Variants in ZNF558 observed in about 807,000 individuals in gnomAD.
ZNF558 encodes zinc finger protein 558.
Under a neutral mutation model 37.6 loss-of-function variants are expected in ZNF558, and 23 were observed. The observed-to-expected ratio is 0.61, with a 90% CI of 0.44 to 0.87. The LOEUF (loss-of-function observed/expected upper bound fraction) is 0.87. Ranked by LOEUF, ZNF558 falls within the 40% of genes least tolerant of loss-of-function variation. The pLI is 0.00. For missense variants in ZNF558, 429 were observed against 483.7 expected (o/e 0.89, Z 1.06); for synonymous variants, 189 against 174.4 (o/e 1.08, Z -0.66).
At chr19:8,833,092 T>A (rs1440285414), upstream of ZNF558, 1 of 152,576 alleles carries the variant, frequency 6.6e-6, no homozygotes, top group Non-Finnish European at 1.5e-5. Context: ...GGGGCAGGGA[T>A]CTGGGTATGA....
At chr19:8,828,427 G>T (rs561995630) in intron 2 of ZNF558, among the ~76,000 whole-genome samples, 69 of 152,012 alleles carry the variant, frequency 4.5e-4, no homozygotes, top group Non-Finnish European at 8.5e-4. Flanking sequence ...CTTCTTGAGG[G>T]GCTTGGAGAA....
Position 8,822,484 on chromosome 19 carries a change from T to C in ZNF558, c.31+145A>G, listed in dbSNP as rs2044118586. On this transcript the variant is annotated intron_variant, in intron 5 of 9. Transcript: ENST00000601372. This position sits in a 1 kb window ranked among gnomAD's most constrained non-coding sequence, Gnocchi z 4.4. Reference sequence around the variant, plus strand: ...TGCCTAAGTCCCAAATCCCGAGAGCTGCCCGATCAGACACGGAGGACCTCT... The same window carrying C: ...TGCCTAAGTCCCAAATCCCGAGAGCCGCCCGATCAGACACGGAGGACCTCT... The C allele has an allele frequency of 3.5e-6, 4 of 1,136,612 alleles. No homozygotes were observed. The African/African-American group carries it at 4.6e-5, about 13-fold the overall frequency. The allele number at this position is 1,136,612 out of a possible 1,614,324, so 70.4% of individuals were successfully genotyped here. A position where few individuals can be genotyped will look rare whatever the true frequency, so the allele number is the denominator to read the frequency against.
At position 8,809,557 on chromosome 19, in the gene ZNF558, T is replaced by C. The variant is rs1457181608; in HGVS notation, c.*1724A>G. 4.6e-5 allele frequency: 7 copies of C among 152,070 alleles called. No homozygotes were observed. In the South Asian group the frequency reaches 1.0e-3, roughly 22 times the overall value. 9.4% of individuals were successfully genotyped at this position (152,070 alleles called of 1,614,324 possible). On this transcript the variant is annotated 3_prime_UTR_variant, in exon 10 of 10. Coordinates refer to ENST00000601372, the MANE Select transcript of ZNF558 (RefSeq NM_144693.3). ...TAAAGCTCATGTACTCTGCCAAAAA[T>C]ACCACTACATTAGAAAAATGTGTTT...
chr19:8,813,055 G>C, intron 8 of ZNF558, 72 bp downstream of exon 8: 1 of 1,208,520 alleles, frequency 8.3e-7, no homozygotes, highest in Non-Finnish European at 1.2e-6. Context: ...ATGAACTAAT[G>C]TAATACTCCC....
intron 7 of ZNF558, among the ~76,000 whole-genome samples, chr19:8,817,895 C>T (rs190891890): frequency 1.3e-5 from 2 of 152,212 alleles, no homozygotes; most frequent in Admixed American, 6.5e-5. Flanking sequence ...TCGTTTGAGA[C>T]TTCAATACTC....
intron 2 of ZNF558, among the ~76,000 whole-genome samples, chr19:8,830,234 C>G (rs569690849): frequency 6.6e-6 from 1 of 152,124 alleles, no homozygotes; most frequent in Non-Finnish European, 1.5e-5. Flanking sequence ...AGGCCTCCCC[C>G]GCCATGCAGA....
chr19:8,814,737 G>T (rs782201611), intron 7 of ZNF558, among the ~76,000 whole-genome samples: 3 of 152,150 alleles, frequency 2.0e-5, no homozygotes, highest in Non-Finnish European at 4.4e-5. Context: ...AAAGAGACTA[G>T]AAGTTTTTTC....
chr19:8,817,271 GA>G (rs1295801615), intron 7 of ZNF558, among the ~76,000 whole-genome samples: 7 of 152,292 alleles, frequency 4.6e-5, no homozygotes, highest in African/African-American at 1.4e-4. Flanking sequence ...ACCATGGTAT[GA>G]TTTTTTAACT....
intron 7 of ZNF558, among the ~76,000 whole-genome samples, chr19:8,818,139 C>T (rs1426506405): frequency 1.3e-5 from 2 of 152,086 alleles, no homozygotes; most frequent in Non-Finnish European, 2.9e-5. Context: ...TCTTCCTTAA[C>T]CACAATGGAA....
At chr19:8,828,818 C>T (rs1240804536) in intron 2 of ZNF558, among the ~76,000 whole-genome samples, 1 of 151,916 alleles carries the variant, frequency 6.6e-6, no homozygotes, top group African/African-American at 2.4e-5. Flanking sequence ...AAAAAATTTG[C>T]CAGGTGTGGT....
At chr19:8,833,910 C>T (rs890680403), upstream of ZNF558, among the ~76,000 whole-genome samples, 1 of 152,066 alleles carries the variant, frequency 6.6e-6, no homozygotes, top group Non-Finnish European at 1.5e-5. Context: ...ATAGCTTGAA[C>T]TCGGGAGGTG....
chr19:8,833,664 T>C (rs967434002), upstream of ZNF558: 6 of 152,224 alleles, frequency 3.9e-5, no homozygotes, highest in African/African-American at 1.2e-4. Context: ...ATGTGATAAA[T>C]AGAATACATG....
At chr19:8,823,282 G>A (rs115158402) in intron 4 of ZNF558, among the ~76,000 whole-genome samples, 2,028 of 147,734 alleles carry the variant, frequency 0.014, 19 homozygotes, top group Non-Finnish European at 0.022. Flanking sequence ...CTTCCACGGC[G>A]TTCACTCCTT....
intron 6 of ZNF558, 121 bp from the exon 7 acceptor site, chr19:8,821,427 TGGTTCTGAGCTCACCTCCCAG>T (rs1286415100): frequency 3.8e-6 from 6 of 1,581,020 alleles, no homozygotes; most frequent in Admixed American, 1.8e-5. Context: ...TTGGGGGGGG[TGGTTCTGAGCTCACCTCCCAG>T]GGTTCTGAGC....
In ZNF558 at chr19:8,812,599, T is replaced by C. The variant is rs2043822783; in HGVS notation, c.388A>G (p.Asn130Asp). ...TTAGACTGTTCTTTTCTGAAAACAT[T>C]CTTCTTAGGAGTTAACCATTTGGCT... is the stretch of plus-strand genomic sequence containing the variant. ...LKAKWLTPKK[N>D]VFRKEQSKGV... Residue 130 changes from asparagine (N) to aspartate (D), a missense_variant, in exon 9 of 10, where the codon AAT (asparagine) becomes GAT (aspartate). Transcript: ENST00000601372. 6.2e-7 allele frequency: 1 copy of C among 1,603,830 alleles called. No individual in the cohort carries two copies. The highest frequency in any genetic ancestry group is 1.3e-5 in the African/African-American group (1 of 74,392).
rs868909347 is a variant in ZNF558 at position 8,811,165 on chromosome 19, C to T, written c.*116G>A. On this transcript the variant is annotated 3_prime_UTR_variant, in exon 10 of 10. Transcript: ENST00000601372. ...TTCGTGTTTGAAGCCACAAAATTTG[C>T]GGGGATCATTTGTTATGCTGCAACA... 6.2e-5 allele frequency: 70 copies of T among 1,129,820 alleles called. No homozygotes were observed. Among genetic ancestry groups the T allele is most frequent in the Admixed American group, 1.7e-4 (6 of 35,900 alleles). The allele number at this position is 1,129,820 out of a possible 1,614,324, so 70.0% of individuals were successfully genotyped here. A position where few individuals can be genotyped will look rare whatever the true frequency, so the allele number is the denominator to read the frequency against.
intron 8 of ZNF558, 64 bp from the exon 9 acceptor site, chr19:8,812,707 G>A: frequency 9.4e-7 from 1 of 1,066,526 alleles, no homozygotes; most frequent in Non-Finnish European, 1.4e-6. Flanking sequence ...GTACACATGA[G>A]TAAAGGCAGA....
Position 8,811,062 on chromosome 19 carries a change from G to A in ZNF558, c.*219C>T. 1.0e-5 allele frequency: 5 copies of A among 487,024 alleles called. 1 individual carries two copies. Among genetic ancestry groups the A allele is most frequent in the Non-Finnish European group, 1.8e-5 (5 of 278,108 alleles). The allele number at this position is 487,024 out of a possible 1,614,324, so 30.2% of individuals were successfully genotyped here. On this transcript the variant is annotated 3_prime_UTR_variant, in exon 10 of 10. Coordinates refer to ENST00000601372, the MANE Select transcript of ZNF558 (RefSeq NM_144693.3). ...ACATCTTGATTGTAAGTAAAGGCAT[G>A]AGAGATCCTGCAGTGTAACTACAGA...
chr19:8,830,386 T>C lies in ZNF558; in HGVS notation c.-509+932A>G, dbSNP rs117765505. Among the ~76,000 whole-genome samples, 36 of 152,264 alleles carry C rather than the reference T, an allele frequency of 2.4e-4. 1 individual carries two copies. The East Asian group carries it at 5.6e-3, about 24-fold the overall frequency. On this transcript the variant is annotated intron_variant, in intron 2 of 9. Transcript: ENST00000601372. ...GAGGCAAGGTGCAGAGGACAATCTTTTTGGAAACCAGTTCCCTACCCTTCA... is the reference window on the plus strand; with the variant it reads ...GAGGCAAGGTGCAGAGGACAATCTTCTTGGAAACCAGTTCCCTACCCTTCA...
Sources: gnomAD v4.1 joint callset for allele counts (sites outside exome capture counted in the v4.1 genomes callset) on GRCh38, gnomAD v4.1.1 for gene constraint, Gnocchi (gnomAD v3.1) non-coding constraint, MANE v1.5 for transcripts, NCBI Gene and HGNC (gene_info 2026-07-23, HGNC 2026-07-21) for gene names.